CAGE1: variants seen among roughly 807,000 people sequenced by gnomAD.
The protein encoded by CAGE1 is cancer antigen 1.
CAGE1 carries 66 observed loss-of-function variants against 94.9 expected under a neutral mutation model. The ratio of observed to expected loss-of-function variants is 0.70; its 90% CI spans 0.57 to 0.85. The LOEUF is 0.85. Ranked by LOEUF, CAGE1 falls within the 40% of genes least tolerant of loss-of-function variation. The probability of loss-of-function intolerance (pLI) is 0.00; values close to 1 mark genes in which losing one functional copy is unlikely to be tolerated. For synonymous variants in CAGE1, 319 were observed against 321.0 expected, an observed-to-expected ratio of 0.99 and a Z score of 0.07; for missense variants, 865 against 950.4, an observed-to-expected ratio of 0.91 and a Z score of 1.18.
At chr6:7,352,514 C>T (rs1321139880) in intron 11 of CAGE1, among the ~76,000 whole-genome samples, 1 of 151,986 alleles carries the variant, frequency 6.6e-6, no homozygotes, top group African/African-American at 2.4e-5. Context: ...AAAACACTAC[C>T]ATCATTCTTC....
chr6:7,349,965 AAG>A (rs1491209242), intron 11 of CAGE1, among the ~76,000 whole-genome samples: 3 of 147,448 alleles, frequency 2.0e-5, no homozygotes, highest in African/African-American at 7.9e-5. Flanking sequence ...AGAAAGAAAG[AAG>A]AAAAAAAAAG....
chr6:7,345,934 AAAATT>A, intron 11 of CAGE1, among the ~76,000 whole-genome samples: 1 of 152,142 alleles, frequency 6.6e-6, no homozygotes, highest in East Asian at 1.9e-4. Flanking sequence ...CAAAAAAAGA[AAAATT>A]ACAGTATAGC....
chr6:7,342,822 T>C (rs1244995200), intron 11 of CAGE1, among the ~76,000 whole-genome samples: 1 of 152,208 alleles, frequency 6.6e-6, no homozygotes, highest in Non-Finnish European at 1.5e-5. Context: ...TTGATTTTTG[T>C]ATATAAGTTG....
chr6:7,366,666 G>A (rs1483532272), intron 7 of CAGE1, among the ~76,000 whole-genome samples: 1 of 152,146 alleles, frequency 6.6e-6, no homozygotes, highest in Non-Finnish European at 1.5e-5. Context: ...AATGCATCCT[G>A]TGTGACTCCA....
At chr6:7,347,585 G>A (rs1271089780) in intron 11 of CAGE1, 1 of 152,032 alleles carries the variant, frequency 6.6e-6, no homozygotes, top group Non-Finnish European at 1.5e-5. Context: ...AGAACGTGGG[G>A]GAGGGTGGGA....
chr6:7,339,693 T>C lies in CAGE1; in HGVS notation c.2370-5603A>G. On this transcript the variant is annotated intron_variant, in intron 11 of 13. Transcript: ENST00000502583. This position sits in a 1 kb window ranked among gnomAD's most constrained non-coding sequence, Gnocchi z 4.7. ...TTTGGTTTTCCATTCCTGAGCTACT[T>C]CACTTAGAATAATGGTCTCCAATTC... is the stretch of plus-strand genomic sequence containing the variant. 2 of 559,054 alleles carry C rather than the reference T, an allele frequency of 3.6e-6. No individual in the cohort carries two copies. Among genetic ancestry groups the C allele is most frequent in the South Asian group, 4.0e-5 (2 of 50,060 alleles). The allele number at this position is 559,054 out of a possible 1,614,324, so 34.6% of individuals were successfully genotyped here. A position where few individuals can be genotyped will look rare whatever the true frequency, so the allele number is the denominator to read the frequency against.
chr6:7,363,474 C>T (rs1338268549), intron 9 of CAGE1, among the ~76,000 whole-genome samples: 2 of 152,176 alleles, frequency 1.3e-5, no homozygotes, highest in Non-Finnish European at 2.9e-5. Context: ...TCCTCTAAGT[C>T]TCTAGCCTCT....
At position 7,385,869 on chromosome 6, in the gene CAGE1, C is replaced by T. The variant is rs1270068937; in HGVS notation, c.199G>A (p.Glu67Lys). ...TTTTCCCTTTCAAAATTCTTTATTT[C>T]GTTCTGTATTAATAAAAAAGGCATC... ...TGTTCDLPQN[E>K]IKNFERENEY... The change falls in exon 3 of 14, where the codon GAA becomes AAA. Residue 67 changes from glutamate to lysine, a missense_variant. Physicochemically the swap from Glu to Lys is moderately conservative, Grantham distance 56. Transcript: ENST00000502583. The T allele has an allele frequency of 1.1e-5, 17 of 1,515,734 alleles. No individual in the cohort carries two copies. Among genetic ancestry groups the T allele is most frequent in the South Asian group, 2.5e-5 (2 of 80,040 alleles). The allele number at this position is 1,515,734 out of a possible 1,614,324, so 93.9% of individuals were successfully genotyped here. A position where few individuals can be genotyped will look rare whatever the true frequency, so the allele number is the denominator to read the frequency against.
intron 11 of CAGE1, among the ~76,000 whole-genome samples, chr6:7,343,198 A>AAAAAAAAAAAAAAAAAG (rs574460085): frequency 7.3e-6 from 1 of 137,320 alleles, no homozygotes; most frequent in East Asian, 2.1e-4. Context: ...CACAAAAAAA[A>AAAAAAAAAAAAAAAAAG]AAAAGAAAAG....
At chr6:7,344,469 G>T (rs1164997307) in intron 11 of CAGE1, among the ~76,000 whole-genome samples, 2 of 152,236 alleles carry the variant, frequency 1.3e-5, no homozygotes, top group Non-Finnish European at 2.9e-5. Context: ...CAGGATTCGG[G>T]ACCTACAGCC....
intron 11 of CAGE1, among the ~76,000 whole-genome samples, chr6:7,346,037 TCTG>T (rs1336060822): frequency 6.6e-6 from 1 of 151,956 alleles, no homozygotes; most frequent in South Asian, 2.1e-4. Context: ...AGAATATTGT[TCTG>T]ATGATGTGTG....
At chr6:7,342,349 G>C (rs374251555) in intron 11 of CAGE1, among the ~76,000 whole-genome samples, 1 of 152,126 alleles carries the variant, frequency 6.6e-6, no homozygotes, top group East Asian at 1.9e-4. Context: ...TTCTTCCAGC[G>C]GCAGGGCCCT....
chr6:7,341,867 C>G, intron 11 of CAGE1: 1 of 682,576 alleles, frequency 1.5e-6, no homozygotes, highest in Admixed American at 1.8e-5. Flanking sequence ...GCCACTTCTT[C>G]TTGCAGGAAC....
intron 11 of CAGE1, among the ~76,000 whole-genome samples, chr6:7,342,499 T>G (rs1050241700): frequency 9.2e-5 from 14 of 152,192 alleles, no homozygotes; most frequent in African/African-American, 3.4e-4. Context: ...GGTGTCTGAC[T>G]GATGACTCAT....
At position 7,336,932 on chromosome 6, in the gene CAGE1, A is replaced by G. The variant is rs373643647; in HGVS notation, c.2370-2842T>C. 1.1e-4 allele frequency among the ~76,000 whole-genome samples: 17 copies of G among 152,322 alleles called. 1 individual carries two copies. The East Asian group carries it at 3.1e-3, about 28-fold the overall frequency. ...TCTTATGACTGAATTTTGAGAGTTC[A>G]TTACATCTGGATAGAAGTTCTTTAT... On this transcript the variant is annotated intron_variant, in intron 11 of 13. Coordinates refer to ENST00000502583, the MANE Select transcript of CAGE1 (RefSeq NM_001170692.2).
At chr6:7,335,085 C>T (rs1446144193) in intron 11 of CAGE1, among the ~76,000 whole-genome samples, 1 of 152,190 alleles carries the variant, frequency 6.6e-6, no homozygotes, top group African/African-American at 2.4e-5. Flanking sequence ...GGCTTGGCCC[C>T]ACATCACACC....
intron 2 of CAGE1, 48 bp downstream of exon 2, chr6:7,386,931 G>T: frequency 8.1e-7 from 1 of 1,233,608 alleles, no homozygotes; most frequent in Non-Finnish European, 1.2e-6. Flanking sequence ...AAGACAATGT[G>T]AATTCTGAAT....
At chr6:7,375,192 T>A (rs1280096665) in intron 4 of CAGE1, among the ~76,000 whole-genome samples, 1 of 151,272 alleles carries the variant, frequency 6.6e-6, no homozygotes, top group Non-Finnish European at 1.5e-5. Context: ...GGGTGGATCA[T>A]GAGGTCAGGA....
At chr6:7,355,884 T>A (rs1192659929) in intron 10 of CAGE1, 141 bp downstream of exon 10, 1 of 563,900 alleles carries the variant, frequency 1.8e-6, no homozygotes, top group Non-Finnish European at 3.1e-6. Context: ...ATGCCTATAA[T>A]CCCAGCTACT....
Sources: gnomAD v4.1 joint callset for allele counts (sites outside exome capture counted in the v4.1 genomes callset) on GRCh38, gnomAD v4.1.1 for gene constraint, Gnocchi (gnomAD v3.1) non-coding constraint, MANE v1.5 for transcripts, NCBI Gene and HGNC (gene_info 2026-07-23, HGNC 2026-07-21) for gene names.